GLDC: variants seen among roughly 807,000 people sequenced by gnomAD.
GLDC encodes the protein glycine dehydrogenase (decarboxylating), mitochondrial.
Under a neutral mutation model 121.3 loss-of-function variants are expected in GLDC, and 104 were observed. The ratio of observed to expected loss-of-function variants is 0.86; its 90% CI spans 0.73 to 1.01. The LOEUF (loss-of-function observed/expected upper bound fraction) is 1.01. Ranked by LOEUF, GLDC falls within the 50% of genes least tolerant of loss-of-function variation. The pLI is 0.00. For missense variants in GLDC, 1,429 were observed against 1,306.6 expected, an observed-to-expected ratio of 1.09 and a Z score of -1.44; for synonymous variants, 546 against 480.6, an observed-to-expected ratio of 1.14 and a Z score of -1.78.
At chr9:6,607,447 G>A (rs1818758137) in intron 4 of GLDC, among the ~76,000 whole-genome samples, 2 of 151,694 alleles carry the variant, frequency 1.3e-5, no homozygotes, top group South Asian at 4.2e-4. Flanking sequence ...GCCAGGCATG[G>A]TGGTGCACGC....
At chr9:6,610,154 CCACAACTGGAATTCCAG>C in intron 4 of GLDC, 21 bp downstream of exon 4, 1 of 1,539,718 alleles carries the variant, frequency 6.5e-7, no homozygotes, top group South Asian at 1.2e-5. Flanking sequence ...GCGAGGTGGC[CCACAACTGGAATTCCAG>C]CACTTTGAGA....
intron 3 of GLDC, among the ~76,000 whole-genome samples, chr9:6,615,420 A>T (rs865807239): frequency 0.025 from 3,601 of 143,346 alleles, 146 homozygotes; most frequent in African/African-American, 0.091. Context: ...TCTACTAAAA[A>T]TTTAAAAAAA....
chr9:6,622,411 T>G (rs912894636), intron 2 of GLDC, among the ~76,000 whole-genome samples: 6 of 149,388 alleles, frequency 4.0e-5, no homozygotes, highest in Admixed American at 4.0e-4. Context: ...CTGACTGGTT[T>G]TCGTATTTTT....
In GLDC at chr9:6,558,598, A is replaced by T. The variant is rs762425284; in HGVS notation, c.2013T>A (p.Asp671Glu). 12 of 1,614,084 alleles carry T rather than the reference A, an allele frequency of 7.4e-6. No homozygotes were observed. Among genetic ancestry groups the T allele is most frequent in the Non-Finnish European group, 1.0e-5 (12 of 1,180,028 alleles). Reference sequence around the variant, plus strand: ...GAACTGCATCGATATTCCCATATTTATCCACCTCCACAGGCTGAATCTTCA... The same window carrying T: ...GAACTGCATCGATATTCCCATATTTTTCCACCTCCACAGGCTGAATCTTCA... ...AGMKIQPVEV[D>E]KYGNIDAVHL... is the part of the protein sequence containing the mutation. Residue 671 changes from aspartate to glutamate, a missense_variant, in exon 17 of 25, where the codon GAT becomes GAA. Coordinates refer to ENST00000321612, the MANE Select transcript of GLDC (RefSeq NM_000170.3).
chr9:6,640,308 A>G (rs547407574), intron 2 of GLDC, among the ~76,000 whole-genome samples: 4 of 152,244 alleles, frequency 2.6e-5, no homozygotes, highest in Non-Finnish European at 5.9e-5. Flanking sequence ...GGAATGGCCA[A>G]AGGAAAGCCT....
intron 3 of GLDC, among the ~76,000 whole-genome samples, chr9:6,616,615 G>C (rs539852193): frequency 6.6e-5 from 10 of 152,200 alleles, no homozygotes; most frequent in Middle Eastern, 6.8e-3. Flanking sequence ...GACTCAATTA[G>C]GTAAAACATA....
chr9:6,543,627 T>G (rs971214748), intron 21 of GLDC, among the ~76,000 whole-genome samples: 4 of 152,328 alleles, frequency 2.6e-5, no homozygotes, highest in Non-Finnish European at 2.9e-5. Context: ...TGCGGTGGAA[T>G]TCCAGCATCT....
Position 6,566,719 on chromosome 9 carries a change from AATGTGT to A in GLDC, c.1851-1296_1851-1291del, listed in dbSNP as rs142425313. 2.3e-3 allele frequency among the ~76,000 whole-genome samples: 358 copies of A among 152,342 alleles called. 4 individuals carry two copies. Among genetic ancestry groups the A allele is most frequent in the African/African-American group, 8.3e-3 (347 of 41,568 alleles). On this transcript the variant is annotated intron_variant, in intron 15 of 24. Coordinates refer to ENST00000321612, the MANE Select transcript of GLDC (RefSeq NM_000170.3). Reference sequence around the variant, plus strand: ...TAATAGATGTATCAGTCCCATTCAAAATGTGTATGTCTGCGAAGCTGAAGGCAAAAA... The same window carrying A: ...TAATAGATGTATCAGTCCCATTCAAAATGTCTGCGAAGCTGAAGGCAAAAA...
chr9:6,566,859 A>C (rs1253736370), intron 15 of GLDC, among the ~76,000 whole-genome samples: 1 of 152,262 alleles, frequency 6.6e-6, no homozygotes, highest in Non-Finnish European at 1.5e-5. Flanking sequence ...GAATTTTAAA[A>C]AATGTGTATG....
rs1817030711 is a variant in GLDC at position 6,532,903 on chromosome 9, A to G, written c.*114T>C. ...ACCTTGACAGAGATTACAGAGATAT[A>G]CACAGTATATAAAACTCCTACTTGA... On this transcript the variant is annotated 3_prime_UTR_variant, in exon 25 of 25. Transcript: ENST00000321612. The G allele has an allele frequency of 1.3e-6, 1 of 799,148 alleles. No individual in the cohort carries two copies. The highest frequency in any genetic ancestry group is 2.3e-6 in the Non-Finnish European group (1 of 442,714). 49.5% of individuals were successfully genotyped at this position (799,148 alleles called of 1,614,324 possible). A position where few individuals can be genotyped will look rare whatever the true frequency, so the allele number is the denominator to read the frequency against.
chr9:6,578,129 T>C (rs918368063), intron 15 of GLDC, among the ~76,000 whole-genome samples: 9 of 151,734 alleles, frequency 5.9e-5, no homozygotes, highest in African/African-American at 9.7e-5. Context: ...GGTCCAGGCT[T>C]CTTTTTTTTT....
Position 6,558,451 on chromosome 9 carries a change from T to A in GLDC, c.2052+108A>T, listed in dbSNP as rs974805075. The A allele has an allele frequency of 1.4e-5, 18 of 1,320,544 alleles. No homozygotes were observed. The African/African-American group carries it at 1.7e-4, about 13-fold the overall frequency. The allele number at this position is 1,320,544 out of a possible 1,614,324, so 81.8% of individuals were successfully genotyped here. ...TCTGGTCAAAGGAAGAACTGCAGACTTTTCATTAGAATGCAAGAGAAGACA... is the reference window on the plus strand; with the variant it reads ...TCTGGTCAAAGGAAGAACTGCAGACATTTCATTAGAATGCAAGAGAAGACA... On this transcript the variant is annotated intron_variant, in intron 17 of 24. Transcript: ENST00000321612.
intron 16 of GLDC, among the ~76,000 whole-genome samples, chr9:6,561,970 C>T (rs1312350739): frequency 1.3e-5 from 2 of 152,198 alleles, no homozygotes; most frequent in Non-Finnish European, 2.9e-5. Context: ...AGGTTTTGAG[C>T]TTTCTTTGTT....
chr9:6,610,276 C>G lies in GLDC; in HGVS notation c.551G>C (p.Cys184Ser). The change falls in exon 4 of 25, where the codon TGT becomes TCT. Residue 184 changes from cysteine to serine, a missense_variant. Cys to Ser is a moderately radical substitution (Grantham distance 112). Transcript: ENST00000321612. ...ESLLNYQTMV[C>S]DITGLDMANA... ...GGCCATGTCCAGGCCTGTGATGTCACACACCATGGTCTGGTAGTTGAGTAA... is the reference window on the plus strand; with the variant it reads ...GGCCATGTCCAGGCCTGTGATGTCAGACACCATGGTCTGGTAGTTGAGTAA... The G allele has an allele frequency of 1.2e-6, 2 of 1,613,910 alleles. No individual in the cohort carries two copies. The highest frequency in any genetic ancestry group is 1.7e-6 in the Non-Finnish European group (2 of 1,179,818).
chr9:6,604,860 TAAC>T, intron 6 of GLDC, 76 bp from the exon 7 acceptor site: 2 of 1,210,736 alleles, frequency 1.7e-6, no homozygotes, highest in Non-Finnish European at 2.5e-6. Context: ...GAAATTATCT[TAAC>T]TACAGGAAGA....
chr9:6,598,960 C>G (rs533035521), intron 8 of GLDC, among the ~76,000 whole-genome samples: 1 of 152,208 alleles, frequency 6.6e-6, no homozygotes, highest in South Asian at 2.1e-4. Context: ...GCGGGCGGAT[C>G]ACCTGAGGTC....
chr9:6,618,493 G>C (rs1819009699), intron 3 of GLDC, among the ~76,000 whole-genome samples: 1 of 152,066 alleles, frequency 6.6e-6, no homozygotes, highest in Admixed American at 6.6e-5. Context: ...TTTTAGTAGA[G>C]ACAGGGTTTT....
At chr9:6,620,837 A>G (rs947958557) in intron 2 of GLDC, among the ~76,000 whole-genome samples, 5 of 152,206 alleles carry the variant, frequency 3.3e-5, no homozygotes, top group African/African-American at 1.2e-4. Context: ...TAAAAAGGCC[A>G]TCACTCAACA....
Position 6,533,077 on chromosome 9 carries a change from G to A in GLDC, c.3003C>T (p.Thr1001=), listed in dbSNP as rs975199715. 5 of 1,611,314 alleles carry A rather than the reference G, an allele frequency of 3.1e-6. No individual in the cohort carries two copies. Among genetic ancestry groups the A allele is most frequent in the African/African-American group, 2.7e-5 (2 of 74,858 alleles). ...ACTCATAAACTTCCATGGGTGGGCAGGTACAAACCAGGTGCTGATCTCCAT... is the reference window on the plus strand; with the variant it reads ...ACTCATAAACTTCCATGGGTGGGCAAGTACAAACCAGGTGCTGATCTCCAT... ...DIYGDQHLVC[T]CPPMEVYESP... is the part of the protein sequence containing the mutation. The change falls in exon 25 of 25, where the codon ACC becomes ACT. Residue 1001 remains threonine (T), a synonymous_variant. Coordinates refer to ENST00000321612, the MANE Select transcript of GLDC (RefSeq NM_000170.3).
Sources: allele counts gnomAD v4.1 joint callset (sites outside exome capture counted in the v4.1 genomes callset), GRCh38; gene constraint gnomAD v4.1.1; transcripts MANE v1.5; gene names NCBI Gene and HGNC (gene_info 2026-07-23, HGNC 2026-07-21).